Variants in REV1 observed in about 807,000 individuals in gnomAD.
The protein encoded by REV1 is translesion synthesis protein REV1.
A neutral mutation model predicts 137.4 loss-of-function variants in REV1; 42 were observed. That is an observed-to-expected ratio of 0.31 (90% CI 0.24 to 0.40). REV1 has a LOEUF of 0.40. Among genes scored for constraint, REV1 ranks in the 10% least tolerant of loss-of-function variants. The pLI is 1.00. For synonymous variants in REV1, 524 were observed against 519.2 expected (o/e 1.01, Z -0.12); for missense variants, 1,282 against 1,490.1 (o/e 0.86, Z 2.30).
At chr2:99,418,056 T>C (rs954676584) in intron 12 of REV1, among the ~76,000 whole-genome samples, 61 of 152,224 alleles carry the variant, frequency 4.0e-4, no homozygotes, top group African/African-American at 1.3e-3. Context: ...TTTCTGTCGT[T>C]TAATATTTAT....
intron 22 of REV1, 147 bp downstream of exon 22, chr2:99,402,097 C>CT: frequency 3.7e-6 from 2 of 535,876 alleles, no homozygotes; most frequent in Non-Finnish European, 6.7e-6. Flanking sequence ...TTATTTGCTA[C>CT]TTAGTCAACA....
intron 21 of REV1, 68 bp from the exon 22 acceptor site, chr2:99,402,414 G>A (rs1194641880): frequency 1.2e-6 from 1 of 863,686 alleles, no homozygotes; most frequent in African/African-American, 1.7e-5. Context: ...GATCTGCATG[G>A]ATAAAGGAAA....
intron 3 of REV1, among the ~76,000 whole-genome samples, chr2:99,459,143 G>A (rs1015671567): frequency 6.6e-6 from 1 of 151,718 alleles, no homozygotes; most frequent in Non-Finnish European, 1.5e-5. Flanking sequence ...GGGAGGCAGA[G>A]CTTGCAGTGA....
intron 19 of REV1, chr2:99,403,421 GC>G: frequency 1.8e-6 from 1 of 562,730 alleles, no homozygotes; most frequent in Non-Finnish European, 3.1e-6. Flanking sequence ...AGGACAACTA[GC>G]TGAACAAGTA....
intron 10 of REV1, 29 bp from the exon 11 acceptor site, chr2:99,421,682 C>G: frequency 1.5e-5 from 24 of 1,591,424 alleles, no homozygotes; most frequent in Non-Finnish European, 2.0e-5. Context: ...GGCAACGAAT[C>G]ACAGCCACAG....
intron 22 of REV1, among the ~76,000 whole-genome samples, chr2:99,401,993 C>G (rs765666425): frequency 6.6e-6 from 1 of 152,164 alleles, no homozygotes; most frequent in Non-Finnish European, 1.5e-5. Context: ...CCCAGCCTCC[C>G]GAAGTGAAGT....
At chr2:99,436,766 G>C (rs956293775) in intron 6 of REV1, 1 of 152,102 alleles carries the variant, frequency 6.6e-6, no homozygotes, top group South Asian at 2.1e-4. Context: ...TAGCCTGTTC[G>C]TCTGGTCCTC....
At chr2:99,471,909 A>AAAC (rs1685463446) in intron 1 of REV1, among the ~76,000 whole-genome samples, 2 of 151,636 alleles carry the variant, frequency 1.3e-5, no homozygotes, top group Non-Finnish European at 2.9e-5. Context: ...AAAAAAAAAA[A>AAAC]AACAAGTGTT....
chr2:99,406,277 A>G, intron 16 of REV1, 48 bp downstream of exon 16: 1 of 1,533,436 alleles, frequency 6.5e-7, no homozygotes, highest in South Asian at 1.3e-5. Context: ...CCGTCTTTCC[A>G]AGGACATAAG....
intron 13 of REV1, among the ~76,000 whole-genome samples, chr2:99,412,450 TGTTA>T (rs1317193158): frequency 1.3e-5 from 2 of 152,164 alleles, no homozygotes; most frequent in African/African-American, 2.4e-5. Context: ...ATTTTTTCAC[TGTTA>T]ATTAGAATAA....
chr2:99,426,581 G>A (rs565286792), intron 9 of REV1, among the ~76,000 whole-genome samples: 1 of 152,066 alleles, frequency 6.6e-6, no homozygotes, highest in Non-Finnish European at 1.5e-5. Flanking sequence ...TTTTCCTTTG[G>A]TTTGCCTTAG....
rs749229155 is a variant in REV1, at chr2:99,418,937, A to G, written c.1842T>C (p.Ile614=). 5 of 1,610,298 alleles carry G rather than the reference A, an allele frequency of 3.1e-6. No individual in the cohort carries two copies. The highest frequency in any genetic ancestry group is 1.7e-4 in the Middle Eastern group (1 of 6,034). The part of the protein sequence containing the change: ...CAASVGIGSN[I]LLARMATRKA... ...TTCTAGTTGCCATTCTAGCCAGGAG[A>G]ATATTAGAACCTATTAAAAAAAAAA... Residue 614 remains isoleucine (I), a synonymous_variant, in exon 12 of 23, where the codon ATT becomes ATC. Transcript: ENST00000258428.
intron 3 of REV1, among the ~76,000 whole-genome samples, chr2:99,460,943 C>T (rs1325529969): frequency 6.6e-6 from 1 of 152,170 alleles, no homozygotes; most frequent in Admixed American, 6.5e-5. Flanking sequence ...CAAAGAATCT[C>T]TTTTTCTTCC....
intron 9 of REV1, among the ~76,000 whole-genome samples, 172 bp downstream of exon 9, chr2:99,429,668 A>G (rs1482063498): frequency 6.6e-6 from 1 of 151,572 alleles, no homozygotes. Context: ...GTTTAAAGTT[A>G]TCTAGCACTG....
chr2:99,458,365 G>A (rs995791717), intron 3 of REV1, among the ~76,000 whole-genome samples: 5 of 152,120 alleles, frequency 3.3e-5, no homozygotes, highest in Non-Finnish European at 5.9e-5. Context: ...TAGCCACGAG[G>A]CAAATGCAAA....
At chr2:99,444,212 A>G (rs980196028) in intron 4 of REV1, among the ~76,000 whole-genome samples, 1 of 152,236 alleles carries the variant, frequency 6.6e-6, no homozygotes, top group Admixed American at 6.5e-5. Context: ...TTCCCCCACC[A>G]AAAGAAGTAC....
chr2:99,477,895 A>T (rs1374579275), intron 1 of REV1, among the ~76,000 whole-genome samples: 2 of 152,236 alleles, frequency 1.3e-5, no homozygotes, highest in Non-Finnish European at 2.9e-5. Flanking sequence ...CTTCAATTAC[A>T]GATTTCCATA....
intron 2 of REV1, among the ~76,000 whole-genome samples, chr2:99,463,175 T>C (rs1158329615): frequency 1.3e-5 from 2 of 152,062 alleles, no homozygotes; most frequent in Non-Finnish European, 2.9e-5. Flanking sequence ...GTTTTAATTT[T>C]ATTACATTCT....
chr2:99,454,224 T>TA (rs1198220410), intron 3 of REV1, among the ~76,000 whole-genome samples: 9 of 150,538 alleles, frequency 6.0e-5, no homozygotes, highest in Non-Finnish European at 8.9e-5. Flanking sequence ...ATCCGTCTTT[T>TA]AAAAAAAATC....
Sources: gnomAD v4.1 joint callset for allele counts (sites outside exome capture counted in the v4.1 genomes callset) on GRCh38, gnomAD v4.1.1 for gene constraint, MANE v1.5 for transcripts, NCBI Gene and HGNC (gene_info 2026-07-23, HGNC 2026-07-21) for gene names.